Variants in INPP5F observed in about 807,000 individuals in gnomAD.
The protein encoded by INPP5F is inositol polyphosphate-5-phosphatase F, also known as phosphatidylinositide 4-phosphatase SAC2.
INPP5F carries 97 observed loss-of-function variants against 137.2 expected under a neutral mutation model. The observed-to-expected ratio is 0.71, with a 90% confidence interval of 0.60 to 0.84. The LOEUF is 0.84. INPP5F is among the 40% of genes least tolerant of loss of function. INPP5F has a pLI of 0.00. For missense variants in INPP5F, 1,271 were observed against 1,371.9 expected (o/e 0.93, Z 1.16); for synonymous variants, 504 against 476.9 (o/e 1.06, Z -0.74).
At position 119,804,266 on chromosome 10, in the gene INPP5F, A is replaced by G; in HGVS notation, c.1210A>G (p.Thr404Ala). Reference sequence around the variant, plus strand: ...GTTGCTTTTCAACAACTCACACCTCACTTACGTTTCGTTTGACTTCCATGA... The same window carrying G: ...GTTGCTTTTCAACAACTCACACCTCGCTTACGTTTCGTTTGACTTCCATGA... ...QVLLFNNSHL[T>A]YVSFDFHEHC... Residue 404 changes from threonine (T) to alanine (A), a missense_variant, in exon 10 of 20, where the codon ACT (threonine) becomes GCT (alanine). Physicochemically the swap from Thr to Ala is moderately conservative, Grantham distance 58 (BLOSUM62 0). Coordinates refer to ENST00000650623, the MANE Select transcript of INPP5F (RefSeq NM_014937.4). The G allele has an allele frequency of 6.2e-7, 1 of 1,611,958 alleles. No homozygotes were observed. The highest frequency in any genetic ancestry group is 1.7e-4 in the Middle Eastern group (1 of 6,060).
At chr10:119,823,711 A>T in intron 18 of INPP5F, 104 bp from the exon 19 acceptor site, 2 of 730,876 alleles carry the variant, frequency 2.7e-6, no homozygotes, top group Non-Finnish European at 4.3e-6. Flanking sequence ...ATTTGTATTT[A>T]ATTATACGAC....
In INPP5F at chr10:119,797,570, A is replaced by G; in HGVS notation, c.978A>G (p.Thr326=). ...VHNHTLSFVQ[T]RGSVPVFWSQ... Reference sequence around the variant, plus strand: ...ATCATACCCTGTCATTTGTTCAAACACGAGGCTCTGTGCCTGTCTTTTGGA... The same window carrying G: ...ATCATACCCTGTCATTTGTTCAAACGCGAGGCTCTGTGCCTGTCTTTTGGA... Residue 326 remains threonine, a synonymous_variant, in exon 8 of 20, where the codon ACA becomes ACG. Coordinates refer to ENST00000650623, the MANE Select transcript of INPP5F (RefSeq NM_014937.4). 6.2e-7 allele frequency: 1 copy of G among 1,613,512 alleles called. No individual in the cohort carries two copies. Among genetic ancestry groups the G allele is most frequent in the Non-Finnish European group, 8.5e-7 (1 of 1,179,724 alleles).
At chr10:119,730,943 A>G (rs1239773377) in intron 1 of INPP5F, among the ~76,000 whole-genome samples, 1 of 151,858 alleles carries the variant, frequency 6.6e-6, no homozygotes, top group East Asian at 1.9e-4. Context: ...ACGCGCCACC[A>G]CGCCCAGCTA....
intron 2 of INPP5F, among the ~76,000 whole-genome samples, chr10:119,757,907 G>A (rs1235199802): frequency 6.6e-6 from 1 of 152,094 alleles, no homozygotes; most frequent in Non-Finnish European, 1.5e-5. Context: ...AGCAACTGGG[G>A]CCATGTCTAT....
Position 119,819,590 on chromosome 10 carries a change from T to C in INPP5F, c.1887-1256T>C, listed in dbSNP as rs541021093. ...CATTTTACAGTGTTATTTGGTATTA[T>C]TCTCTATGAAGCTGTCTGGATCGGT... On this transcript the variant is annotated intron_variant, in intron 15 of 19. Transcript: ENST00000650623. 3.4e-6 allele frequency: 5 copies of C among 1,469,222 alleles called. No homozygotes were observed. In the Admixed American group the frequency reaches 9.6e-5, roughly 28 times the overall value. 91.0% of individuals were successfully genotyped at this position (1,469,222 alleles called of 1,614,324 possible).
At position 119,794,429 on chromosome 10, in the gene INPP5F, A is replaced by G. The variant is rs1379471142; in HGVS notation, c.669+2216A>G. On this transcript the variant is annotated intron_variant, in intron 6 of 19. Coordinates refer to ENST00000650623, the MANE Select transcript of INPP5F (RefSeq NM_014937.4). The stretch of plus-strand genomic sequence containing the variant: ...CTCCCACGTCTACCTCTTTCTACAC[A>G]GACACGGCAACCATCCGATTTCTCA... Among the ~76,000 whole-genome samples, 7 of 152,096 alleles carry G rather than the reference A, an allele frequency of 4.6e-5. No homozygotes were observed. In the East Asian group the frequency reaches 1.3e-3, roughly 29 times the overall value.
At chr10:119,811,734 A>C in intron 14 of INPP5F, 23 bp from the exon 15 acceptor site, 2 of 1,558,216 alleles carry the variant, frequency 1.3e-6, no homozygotes, top group African/African-American at 1.4e-5. Flanking sequence ...AAATGATGAT[A>C]GATATTAACA....
intron 15 of INPP5F, chr10:119,816,393 T>C (rs112924742): frequency 6.6e-6 from 1 of 152,266 alleles, no homozygotes; most frequent in African/African-American, 2.4e-5. Flanking sequence ...AAAGTAACTA[T>C]TGCGTTTCCA....
At chr10:119,756,338 A>G (rs895132186) in intron 2 of INPP5F, among the ~76,000 whole-genome samples, 1 of 151,970 alleles carries the variant, frequency 6.6e-6, no homozygotes, top group Non-Finnish European at 1.5e-5. Flanking sequence ...TGAAACTGTA[A>G]TAAGAACAAG....
At chr10:119,806,265 G>A in intron 11 of INPP5F, 95 bp from the exon 12 acceptor site, 2 of 826,800 alleles carry the variant, frequency 2.4e-6, no homozygotes, top group South Asian at 4.6e-5. Flanking sequence ...ATTACAGCCA[G>A]TGCTGCTGTT....
At chr10:119,769,964 A>G (rs1849289295) in intron 2 of INPP5F, among the ~76,000 whole-genome samples, 1 of 131,046 alleles carries the variant, frequency 7.6e-6, no homozygotes, top group Non-Finnish European at 1.7e-5. Flanking sequence ...ACCGTAATGC[A>G]GGAGAAAAAT....
chr10:119,801,263 G>A (rs1850582113), intron 9 of INPP5F, among the ~76,000 whole-genome samples: 3 of 152,260 alleles, frequency 2.0e-5, no homozygotes, highest in East Asian at 3.9e-4. Flanking sequence ...TTTTAACAGC[G>A]TATGGTATGT....
intron 6 of INPP5F, 89 bp from the exon 7 acceptor site, chr10:119,796,626 T>G (rs1406337029): frequency 9.9e-7 from 1 of 1,014,312 alleles, no homozygotes; most frequent in African/African-American, 1.6e-5. Context: ...TCTAATAAAC[T>G]GAGAAATATG....
intron 1 of INPP5F, among the ~76,000 whole-genome samples, chr10:119,742,572 T>C (rs898484653): frequency 5.3e-5 from 8 of 152,164 alleles, no homozygotes; most frequent in Non-Finnish European, 8.8e-5. Context: ...ATACCTCCAA[T>C]AGGACTTGGC....
chr10:119,778,210 G>A lies in INPP5F; in HGVS notation c.179-3425G>A, dbSNP rs1849587145. Among the ~76,000 whole-genome samples the A allele has an allele frequency of 3.3e-5, 5 of 152,174 alleles. No individual in the cohort carries two copies. In the East Asian group the frequency reaches 9.6e-4, roughly 29 times the overall value. The stretch of plus-strand genomic sequence containing the variant: ...TTTAGTAGAGACAGAATTTTGCCAT[G>A]TTGGCCAGGCTGGTCTTGAACTCCT... On this transcript the variant is annotated intron_variant, in intron 2 of 19. Transcript: ENST00000650623.
At chr10:119,804,122 A>G (rs748513281) in intron 9 of INPP5F, 51 bp from the exon 10 acceptor site, 3 of 1,358,446 alleles carry the variant, frequency 2.2e-6, no homozygotes, top group Admixed American at 4.2e-5. Context: ...TTTAAACCAC[A>G]TTGTGATTCT....
intron 1 of INPP5F, among the ~76,000 whole-genome samples, chr10:119,734,502 C>CT (rs754278231): frequency 4.6e-5 from 7 of 151,888 alleles, no homozygotes; most frequent in Admixed American, 1.3e-4. Context: ...CATGACTTTT[C>CT]TTTTTTTTAA....
chr10:119,812,898 A>G (rs1231578419), intron 15 of INPP5F, among the ~76,000 whole-genome samples: 2 of 151,894 alleles, frequency 1.3e-5, no homozygotes, highest in Non-Finnish European at 2.9e-5. Context: ...AGTGGCAGCA[A>G]TCCAACTTAA....
chr10:119,820,789 G>C (rs1352836416), intron 15 of INPP5F, 57 bp from the exon 16 acceptor site: 1 of 1,406,988 alleles, frequency 7.1e-7, no homozygotes, highest in Admixed American at 1.7e-5. Flanking sequence ...AAATATGCTT[G>C]GCAAAAAATG....
Sources: allele counts gnomAD v4.1 joint callset (sites outside exome capture counted in the v4.1 genomes callset), GRCh38; gene constraint gnomAD v4.1.1; transcripts MANE v1.5; gene names NCBI Gene and HGNC (gene_info 2026-07-23, HGNC 2026-07-21).